Variants in WWOX observed in about 807,000 individuals in gnomAD.
The protein encoded by WWOX is WW domain containing oxidoreductase.
In WWOX, 69 loss-of-function variants were observed where a neutral mutation model predicts 46.2. That is an observed-to-expected ratio of 1.49 (90% CI 1.23 to 1.82). The LOEUF is 1.82. Ranked by LOEUF, WWOX falls within the 40% of genes most tolerant of loss-of-function variation. WWOX has a pLI of 0.00. For missense variants in WWOX, 919 were observed against 542.6 expected (o/e 1.69, Z -6.89); for synonymous variants, 359 against 202.6 (o/e 1.77, Z -6.56).
intron 5 of WWOX, among the ~76,000 whole-genome samples, chr16:78,377,237 G>A (rs1022638169): frequency 2.0e-5 from 3 of 152,206 alleles, no homozygotes; most frequent in African/African-American, 7.2e-5. Context: ...GATGTATGCA[G>A]TACTTGCATA....
intron 8 of WWOX, among the ~76,000 whole-genome samples, chr16:78,579,917 C>A (rs182685869): frequency 6.6e-6 from 1 of 152,130 alleles, no homozygotes; most frequent in African/African-American, 2.4e-5. Context: ...TCCGAGCCAT[C>A]GACTTCTGTT....
At chr16:78,152,782 G>T (rs1309710360) in intron 4 of WWOX, among the ~76,000 whole-genome samples, 1 of 152,210 alleles carries the variant, frequency 6.6e-6, no homozygotes, top group Non-Finnish European at 1.5e-5. Flanking sequence ...GGGATTTATT[G>T]TACAGCTTTA....
chr16:79,118,057 G>A (rs1342820966), intron 8 of WWOX, among the ~76,000 whole-genome samples: 4 of 152,186 alleles, frequency 2.6e-5, no homozygotes, highest in South Asian at 2.1e-4. Flanking sequence ...TGTTTGGCAC[G>A]AGATCTGGCT....
intron 8 of WWOX, among the ~76,000 whole-genome samples, chr16:79,018,117 G>A (rs1027907752): frequency 1.3e-5 from 2 of 152,176 alleles, no homozygotes; most frequent in African/African-American, 2.4e-5. Context: ...TCTAATCGGA[G>A]GCAGAGGTAT....
rs565338263 is a variant in WWOX, at chr16:78,426,843, T to C, written c.791+1788T>C. ...CACACCTGGCTAATTTTTGTATTTTTAGTAGAGACGGGGTTTCACCATGTT... is the reference window on the plus strand; with the variant it reads ...CACACCTGGCTAATTTTTGTATTTTCAGTAGAGACGGGGTTTCACCATGTT... On this transcript the variant is annotated intron_variant, in intron 7 of 8. Transcript: ENST00000566780. Among the ~76,000 whole-genome samples the C allele has an allele frequency of 2.0e-5, 3 of 152,288 alleles. No individual in the cohort carries two copies. The South Asian group carries it at 6.2e-4, about 32-fold the overall frequency.
At chr16:78,762,193 G>C (rs1420541916) in intron 8 of WWOX, among the ~76,000 whole-genome samples, 1 of 152,136 alleles carries the variant, frequency 6.6e-6, no homozygotes, top group Non-Finnish European at 1.5e-5. Context: ...CAAAATCACA[G>C]ACCCAGGAAT....
chr16:79,013,484 G>T (rs921838302), intron 8 of WWOX, among the ~76,000 whole-genome samples: 10 of 151,962 alleles, frequency 6.6e-5, no homozygotes, highest in South Asian at 2.1e-4. Context: ...AGAGTAAAAC[G>T]CATGTCCCCC....
Position 78,432,783 on chromosome 16 carries a change from C to A in WWOX, c.1056+31C>A, listed in dbSNP as rs201682800. ...AGAACAGCTTCTGGCGCCGCAAACA[C>A]CTTGGGTCCTAGAGAAACCTGCACA... On this transcript the variant is annotated intron_variant, in intron 8 of 8. Coordinates refer to ENST00000566780, the MANE Select transcript of WWOX (RefSeq NM_016373.4). 244 of 1,613,938 alleles carry A rather than the reference C, an allele frequency of 1.5e-4. No individual in the cohort carries two copies. The African/African-American group carries it at 2.2e-3, about 15-fold the overall frequency.
chr16:78,909,032 T>A (rs767211983), intron 8 of WWOX, among the ~76,000 whole-genome samples: 3 of 152,184 alleles, frequency 2.0e-5, no homozygotes, highest in Non-Finnish European at 2.9e-5. Flanking sequence ...AGGGCTGTTA[T>A]CATCTTTTGT....
intron 8 of WWOX, among the ~76,000 whole-genome samples, chr16:79,058,115 AAAAAACAAAC>A (rs1191801925): frequency 1.6e-5 from 1 of 64,132 alleles, no homozygotes; most frequent in Admixed American, 1.5e-4. Context: ...TTAAAAAAAA[AAAAAACAAAC>A]AAACAAAAAA....
chr16:78,474,644 G>C (rs775236859), intron 8 of WWOX, among the ~76,000 whole-genome samples: 10 of 151,536 alleles, frequency 6.6e-5, no homozygotes, highest in Non-Finnish European at 1.3e-4. Context: ...CAATGGCTCA[G>C]TCTATTCAGA....
chr16:78,298,045 T>C (rs1193039203), intron 5 of WWOX, among the ~76,000 whole-genome samples: 1 of 152,194 alleles, frequency 6.6e-6, no homozygotes, highest in Non-Finnish European at 1.5e-5. Context: ...TTCCCCACTT[T>C]GCTCTGTACT....
At chr16:78,724,154 C>G (rs1320136148) in intron 8 of WWOX, among the ~76,000 whole-genome samples, 1 of 152,140 alleles carries the variant, frequency 6.6e-6, no homozygotes, top group Non-Finnish European at 1.5e-5. Flanking sequence ...CAGTCTTTGC[C>G]ACATCCCGGT....
chr16:79,039,591 C>T (rs1430224023), intron 8 of WWOX, among the ~76,000 whole-genome samples: 1 of 152,200 alleles, frequency 6.6e-6, no homozygotes, highest in Admixed American at 6.5e-5. Context: ...CAGATGCCAG[C>T]ACTGGCGAGG....
intron 8 of WWOX, among the ~76,000 whole-genome samples, chr16:79,065,121 C>T (rs139424641): frequency 8.5e-5 from 13 of 152,250 alleles, no homozygotes; most frequent in Admixed American, 3.3e-4. Context: ...TGTTTCTCTT[C>T]GCTATGGGGA....
chr16:79,191,382 G>C (rs1013854296), intron 8 of WWOX, among the ~76,000 whole-genome samples: 1 of 151,744 alleles, frequency 6.6e-6, no homozygotes, highest in Non-Finnish European at 1.5e-5. Context: ...GGGAGAGAAA[G>C]GCCACCGAGA....
At chr16:78,894,704 A>G (rs1655548680) in intron 8 of WWOX, among the ~76,000 whole-genome samples, 1 of 152,180 alleles carries the variant, frequency 6.6e-6, no homozygotes, top group Admixed American at 6.5e-5. Context: ...AATAGAGAGA[A>G]TAGCATGGAA....
chr16:78,424,735 T>C, intron 6 of WWOX, 135 bp from the exon 7 acceptor site: 2 of 1,024,734 alleles, frequency 2.0e-6, no homozygotes, highest in South Asian at 1.3e-5. Flanking sequence ...AGAAAGAATT[T>C]CTCATTCCCG....
chr16:78,727,803 T>A (rs113880512), intron 8 of WWOX, among the ~76,000 whole-genome samples: 1 of 151,934 alleles, frequency 6.6e-6, no homozygotes, highest in East Asian at 2.0e-4. Context: ...AATGGTAGAG[T>A]GTGTCCTACC....
Sources: gnomAD v4.1 joint callset for allele counts (sites outside exome capture counted in the v4.1 genomes callset) on GRCh38, gnomAD v4.1.1 for gene constraint, MANE v1.5 for transcripts, NCBI Gene and HGNC (gene_info 2026-07-23, HGNC 2026-07-21) for gene names.